LPP: variants seen among roughly 807,000 people sequenced by gnomAD.
LPP encodes the protein lipoma-preferred partner.
Under a neutral mutation model 60.4 loss-of-function variants are expected in LPP, and 38 were observed. The ratio of observed to expected loss-of-function variants is 0.63; its 90% CI spans 0.49 to 0.83. LPP has a LOEUF of 0.83. Ranked by LOEUF, LPP falls within the 40% of genes least tolerant of loss-of-function variation. LPP has a pLI of 0.00. For missense variants in LPP, 902 were observed against 783.6 expected (o/e 1.15, Z -1.80); for synonymous variants, 328 against 290.8 (o/e 1.13, Z -1.30).
chr3:188,704,699 G>A (rs775407757), intron 7 of LPP, among the ~76,000 whole-genome samples: 13 of 151,962 alleles, frequency 8.6e-5, no homozygotes, highest in East Asian at 1.9e-4. Context: ...TATATTCCCC[G>A]TGGTCTGTGA....
chr3:188,750,427 T>G (rs1248331522), intron 8 of LPP, among the ~76,000 whole-genome samples: 1 of 152,126 alleles, frequency 6.6e-6, no homozygotes, highest in Non-Finnish European at 1.5e-5. Flanking sequence ...TGTCAGGAGT[T>G]TGAGACTAGC....
At chr3:188,506,964 AT>A (rs1319778269) in intron 5 of LPP, among the ~76,000 whole-genome samples, 1 of 151,688 alleles carries the variant, frequency 6.6e-6, no homozygotes, top group African/African-American at 2.4e-5. Context: ...CACCTGGCTA[AT>A]TTTTTGTATT....
chr3:188,241,639 C>G, intron 2 of LPP, among the ~76,000 whole-genome samples: 1 of 151,918 alleles, frequency 6.6e-6, no homozygotes, highest in East Asian at 1.9e-4. Flanking sequence ...TTTTCTTTTA[C>G]TGAAAAATAA....
intron 8 of LPP, among the ~76,000 whole-genome samples, chr3:188,716,752 TAA>T (rs1714174127): frequency 6.6e-6 from 1 of 152,194 alleles, no homozygotes; most frequent in Non-Finnish European, 1.5e-5. Context: ...CAGAATCTAA[TAA>T]TCCCTTGTTG....
At chr3:188,282,431 G>A (rs1473210686) in intron 2 of LPP, among the ~76,000 whole-genome samples, 2 of 152,184 alleles carry the variant, frequency 1.3e-5, no homozygotes, top group Non-Finnish European at 2.9e-5. Context: ...AATGCAGGGT[G>A]ACAGGAGGTT....
chr3:188,872,694 G>T lies in LPP; in HGVS notation c.1641G>T (p.Pro547=). Residue 547 remains proline, a synonymous_variant, in exon 11 of 12, where the codon CCG becomes CCT. Coordinates refer to ENST00000617246, the MANE Select transcript of LPP (RefSeq NM_001375462.1). ...GCAAGGAGCCTATTATGCCAGCCCC[G>T]GGCCAGGAGGAGACTGTCCGTATTG... is the stretch of plus-strand genomic sequence containing the variant. ...SVCKEPIMPA[P]GQEETVRIVA... 1 of 1,614,136 alleles carries T rather than the reference G, an allele frequency of 6.2e-7. No individual in the cohort carries two copies. Among genetic ancestry groups the T allele is most frequent in the Non-Finnish European group, 8.5e-7 (1 of 1,180,024 alleles).
intron 4 of LPP, among the ~76,000 whole-genome samples, chr3:188,458,854 C>T (rs1483304787): frequency 2.0e-5 from 3 of 150,588 alleles, no homozygotes; most frequent in East Asian, 3.9e-4. Context: ...TTTTCGTGGC[C>T]GATTTCTTTC....
chr3:188,240,404 A>T (rs558971277), intron 2 of LPP, among the ~76,000 whole-genome samples: 1 of 151,500 alleles, frequency 6.6e-6, no homozygotes, highest in South Asian at 2.1e-4. Context: ...AGAAAGAGGT[A>T]AAGAGGAACA....
At chr3:188,520,523 T>C (rs1818587536) in intron 5 of LPP, among the ~76,000 whole-genome samples, 1 of 152,158 alleles carries the variant, frequency 6.6e-6, no homozygotes, top group African/African-American at 2.4e-5. Flanking sequence ...CCACAACACA[T>C]GGGGATTATG....
chr3:188,591,556 C>G (rs74684670), intron 6 of LPP, among the ~76,000 whole-genome samples: 24 of 152,142 alleles, frequency 1.6e-4, no homozygotes, highest in Non-Finnish European at 3.2e-4. Context: ...GCTCTGGGAG[C>G]CTTTTTCCTT....
At chr3:188,389,239 C>G (rs957170447) in intron 3 of LPP, among the ~76,000 whole-genome samples, 1 of 152,072 alleles carries the variant, frequency 6.6e-6, no homozygotes, top group Non-Finnish European at 1.5e-5. Flanking sequence ...CTCTCTGTCA[C>G]CTGATGTCCC....
chr3:188,416,454 A>G (rs1274325084), intron 4 of LPP, among the ~76,000 whole-genome samples: 1 of 152,226 alleles, frequency 6.6e-6, no homozygotes, highest in East Asian at 1.9e-4. Flanking sequence ...ATTGTGATTG[A>G]TGCTCAACCA....
chr3:188,290,165 G>A (rs576506351), intron 2 of LPP, among the ~76,000 whole-genome samples: 28 of 152,088 alleles, frequency 1.8e-4, no homozygotes, highest in African/African-American at 6.5e-4. Flanking sequence ...TAATAGAGAC[G>A]AGGTTTCACC....
intron 6 of LPP, among the ~76,000 whole-genome samples, chr3:188,557,814 C>T (rs1263191981): frequency 6.6e-6 from 1 of 152,060 alleles, no homozygotes; most frequent in Non-Finnish European, 1.5e-5. Flanking sequence ...CTGGCGCTCT[C>T]TTTTCTGTAC....
At chr3:188,751,446 A>G (rs984718592) in intron 8 of LPP, among the ~76,000 whole-genome samples, 2 of 152,332 alleles carry the variant, frequency 1.3e-5, no homozygotes, top group East Asian at 3.9e-4. Context: ...ATTAAGACGG[A>G]GAATGTGAAA....
chr3:188,179,406 G>T (rs150366053), intron 1 of LPP: 1 of 457,828 alleles, frequency 2.2e-6, no homozygotes, highest in Admixed American at 2.3e-5. Flanking sequence ...TGCCACCTGC[G>T]GGCTTGGAGG....
In LPP at chr3:188,269,997, GTTTCT is replaced by G. The variant is rs757676442; in HGVS notation, c.-67+44488_-67+44492del. On this transcript the variant is annotated intron_variant, in intron 2 of 11. Transcript: ENST00000617246. ...TTTTCTTTTCTTTTCTTTTCTTATC[GTTTCT>G]TTTCTTTTCTTTTCTTTAGGGTATG... Among the ~76,000 whole-genome samples the G allele has an allele frequency of 6.1e-3, 728 of 119,724 alleles. 6 individuals carry two copies. The highest frequency in any genetic ancestry group is 0.026 in the African/African-American group (683 of 25,828). The allele number at this position is 119,724 out of a possible 152,430, so 78.5% of individuals were successfully genotyped here. A position where few individuals can be genotyped will look rare whatever the true frequency, so the allele number is the denominator to read the frequency against.
intron 9 of LPP, among the ~76,000 whole-genome samples, chr3:188,814,118 G>GACACAC (rs906925332): frequency 6.6e-6 from 1 of 151,322 alleles, no homozygotes; most frequent in Non-Finnish European, 1.5e-5. Context: ...CACACATACA[G>GACACAC]ACACACACAC....
chr3:188,480,416 T>C (rs1804449852), intron 4 of LPP, among the ~76,000 whole-genome samples: 1 of 152,196 alleles, frequency 6.6e-6, no homozygotes, highest in African/African-American at 2.4e-5. Context: ...GAGAATCCAT[T>C]TCCTGCTCTG....
Sources: allele counts gnomAD v4.1 joint callset (sites outside exome capture counted in the v4.1 genomes callset), GRCh38; gene constraint gnomAD v4.1.1; transcripts MANE v1.5; gene names NCBI Gene and HGNC (gene_info 2026-07-23, HGNC 2026-07-21).